The following GAPDH variants were observed in gnomAD, a reference collection of about 807,000 sequenced individuals.
GAPDH encodes the protein glyceraldehyde-3-phosphate dehydrogenase, also known as OCAS, p38 component.
Under a neutral mutation model 31.2 loss-of-function variants are expected in GAPDH, and 13 were observed. The ratio of observed to expected loss-of-function variants is 0.42; its 90% CI spans 0.27 to 0.66. The LOEUF is 0.66. Among genes scored for constraint, GAPDH ranks in the 30% least tolerant of loss-of-function variants. The pLI, the probability that GAPDH is intolerant of heterozygous loss-of-function variation, is 0.26. For synonymous variants in GAPDH, 211 were observed against 166.9 expected (o/e 1.26, Z -2.04); for missense variants, 300 against 443.7 (o/e 0.68, Z 2.91).
intron 1 of GAPDH, 92 bp from the exon 2 acceptor site, chr12:6,534,718 G>T: frequency 4.4e-6 from 5 of 1,124,280 alleles, no homozygotes; most frequent in Non-Finnish European, 6.6e-6. Context: ...ATGCGGCGCG[G>T]GCTGGGCATG....
chr12:6,535,874 T>C (rs955772166), intron 2 of GAPDH, among the ~76,000 whole-genome samples: 1 of 152,040 alleles, frequency 6.6e-6, no homozygotes, highest in African/African-American at 2.4e-5. Context: ...CCATCCCTTC[T>C]CCCCACACAC....
Position 6,538,305 on chromosome 12 carries a change from A to AG in GAPDH, c.*136dup, listed in dbSNP as rs1946537206. The AG allele has an allele frequency of 2.7e-6, 2 of 733,890 alleles. No homozygotes were observed. Among genetic ancestry groups the AG allele is most frequent in the Admixed American group, 2.2e-5 (1 of 44,500 alleles). The allele number at this position is 733,890 out of a possible 1,614,324, so 45.5% of individuals were successfully genotyped here. A position where few individuals can be genotyped will look rare whatever the true frequency, so the allele number is the denominator to read the frequency against. ...CACAGTTGCCATGTAGACCCCTTGA[A>AG]GAGGGGAGGGGCCTAGGGAGCCGCA... On this transcript the variant is annotated 3_prime_UTR_variant, in exon 9 of 9. Coordinates refer to ENST00000229239, the MANE Select transcript of GAPDH (RefSeq NM_002046.7).
chr12:6,537,942 T>A lies in GAPDH; in HGVS notation c.884T>A (p.Phe295Tyr). ...DFNSDTHSSTFDAGAGIALND... is the reference protein window; with the variant it reads ...DFNSDTHSSTYDAGAGIALND... ...AACAGCGACACCCACTCCTCCACCTTTGACGCTGGGGCTGGCATTGCCCTC... is the reference window on the plus strand; with the variant it reads ...AACAGCGACACCCACTCCTCCACCTATGACGCTGGGGCTGGCATTGCCCTC... The change falls in exon 8 of 9, where the codon TTT becomes TAT. Residue 295 changes from phenylalanine to tyrosine, a missense_variant. Phe to Tyr is a conservative substitution (Grantham distance 22, BLOSUM62 3). Coordinates refer to ENST00000229239, the MANE Select transcript of GAPDH (RefSeq NM_002046.7). The surrounding 1 kb of genome is among the most constrained non-coding windows in gnomAD (Gnocchi z 4.9). 6.2e-7 allele frequency: 1 copy of A among 1,614,120 alleles called. No homozygotes were observed.
intron 2 of GAPDH, chr12:6,535,241 T>C: frequency 4.7e-6 from 5 of 1,071,426 alleles, no homozygotes; most frequent in Non-Finnish European, 5.7e-6. Flanking sequence ...CCCGGGATGC[T>C]AGTGCGCAGC....
chr12:6,535,141 C>T (rs1946434469), intron 2 of GAPDH: 3 of 987,048 alleles, frequency 3.0e-6, no homozygotes, highest in African/African-American at 3.4e-5. Flanking sequence ...ACCCGGACCC[C>T]TAGGTGGGGG....
In GAPDH at chr12:6,536,966, G is replaced by A. The variant is rs371192512; in HGVS notation, c.283G>A (p.Val95Ile). 3.8e-5 allele frequency: 61 copies of A among 1,613,742 alleles called. No individual in the cohort carries two copies. The highest frequency in any genetic ancestry group is 4.7e-5 in the Non-Finnish European group (55 of 1,179,952). Residue 95 changes from valine to isoleucine, a missense_variant, in exon 5 of 9, where the codon GTC (valine) becomes ATC (isoleucine). Val to Ile is a conservative substitution (Grantham distance 29). Coordinates refer to ENST00000229239, the MANE Select transcript of GAPDH (RefSeq NM_002046.7). The part of the protein sequence containing the change: ...IKWGDAGAEY[V>I]VESTGVFTTM... ...GTGGGGCGATGCTGGCGCTGAGTAC[G>A]TCGTGGAGTCCACTGGCGTCTTCAC...
In GAPDH at chr12:6,535,177, C is replaced by T; in HGVS notation, c.29+316C>T. ...ACGCTTTCTTTCCTTTCGCGCTCTG[C>T]GGGGTCACGTGTCGCAGAGGAGCCC... On this transcript the variant is annotated intron_variant, in intron 2 of 8. Coordinates refer to ENST00000229239, the MANE Select transcript of GAPDH (RefSeq NM_002046.7). 3.7e-6 allele frequency: 4 copies of T among 1,090,082 alleles called. 1 individual carries two copies. In the South Asian group the frequency reaches 8.5e-5, roughly 23 times the overall value. The allele number at this position is 1,090,082 out of a possible 1,614,324, so 67.5% of individuals were successfully genotyped here. A position where few individuals can be genotyped will look rare whatever the true frequency, so the allele number is the denominator to read the frequency against.
chr12:6,535,018 C>G, intron 2 of GAPDH, 157 bp downstream of exon 2: 3 of 921,934 alleles, frequency 3.3e-6, no homozygotes, highest in East Asian at 2.7e-5. Flanking sequence ...GGCGGAGCCC[C>G]GCACCCAGGC....
rs1161456185 is a variant in GAPDH, at chr12:6,538,253, C to G, written c.*83C>G. ...CTGGGGAGTCCCTGCCACACTCAGT[C>G]CCCCACCACACTGAATCTCCCCTCC... On this transcript the variant is annotated 3_prime_UTR_variant, in exon 9 of 9. Coordinates refer to ENST00000229239, the MANE Select transcript of GAPDH (RefSeq NM_002046.7). 1.8e-5 allele frequency: 20 copies of G among 1,105,710 alleles called. No homozygotes were observed. In the African/African-American group the frequency reaches 3.1e-4, roughly 17 times the overall value. 68.5% of individuals were successfully genotyped at this position (1,105,710 alleles called of 1,614,324 possible). A position where few individuals can be genotyped will look rare whatever the true frequency, so the allele number is the denominator to read the frequency against.
In GAPDH at chr12:6,537,393, A is replaced by G. The variant is rs1279322043; in HGVS notation, c.525+3A>G. 1 of 1,600,996 alleles carries G rather than the reference A, an allele frequency of 6.2e-7. No individual in the cohort carries two copies. The highest frequency in any genetic ancestry group is 8.5e-7 in the Non-Finnish European group (1 of 1,178,530). On this transcript the variant is annotated splice_donor_region_variant and intron_variant, in intron 7 of 8. Transcript: ENST00000229239. The surrounding 1 kb of genome is among the most constrained non-coding windows in gnomAD (Gnocchi z 4.9). ...TTGGTATCGTGGAAGGACTCATGGT[A>G]TGAGAGCTGGGGAATGGGACTGAGG...
Position 6,536,667 on chromosome 12 carries a change from C to G in GAPDH, c.130-17C>G, listed in dbSNP as rs778882839. On this transcript the variant is annotated splice_polypyrimidine_tract_variant and intron_variant, in intron 3 of 8. Transcript: ENST00000229239. ...GGCTGATGGGCAGCCCCTTCATACCCTCACGTATTCCCCCAGGTTTACATG... is the reference window on the plus strand; with the variant it reads ...GGCTGATGGGCAGCCCCTTCATACCGTCACGTATTCCCCCAGGTTTACATG... The G allele has an allele frequency of 5.0e-6, 8 of 1,608,082 alleles. No homozygotes were observed. In the Admixed American group the frequency reaches 5.0e-5, roughly 10 times the overall value.
Position 6,534,551 on chromosome 12 carries a change from T to C in GAPDH, c.-42T>C. The C allele has an allele frequency of 1.9e-6, 1 of 514,278 alleles. No individual in the cohort carries two copies. The highest frequency in any genetic ancestry group is 3.5e-6 in the Non-Finnish European group (1 of 287,658). The allele number at this position is 514,278 out of a possible 1,614,324, so 31.9% of individuals were successfully genotyped here. A position where few individuals can be genotyped will look rare whatever the true frequency, so the allele number is the denominator to read the frequency against. ...TCCTCCTGTTCGACAGTCAGCCGCA[T>C]CTTCTTTTGCGTCGCCAGGTGAAGA... On this transcript the variant is annotated 5_prime_UTR_variant, in exon 1 of 9. Coordinates refer to ENST00000229239, the MANE Select transcript of GAPDH (RefSeq NM_002046.7).
At position 6,537,864 on chromosome 12, in the gene GAPDH, C is replaced by T. The variant is rs143455013; in HGVS notation, c.806C>T (p.Pro269Leu). 29 of 1,613,022 alleles carry T rather than the reference C, an allele frequency of 1.8e-5. No individual in the cohort carries two copies. Among genetic ancestry groups the T allele is most frequent in the Non-Finnish European group, 2.4e-5 (28 of 1,180,012 alleles). ...GTGGTGAAGCAGGCGTCGGAGGGCC[C>T]CCTCAAGGGCATCCTGGGCTACACT... ...KKVVKQASEG[P>L]LKGILGYTEH... The change falls in exon 8 of 9, where the codon CCC becomes CTC. Residue 269 changes from proline (P) to leucine (L), a missense_variant. Transcript: ENST00000229239. This position sits in a 1 kb window ranked among gnomAD's most constrained non-coding sequence, Gnocchi z 4.9.
At chr12:6,534,668 C>G (rs1476480011) in intron 1 of GAPDH, 99 bp downstream of exon 1, 8 of 767,322 alleles carry the variant, frequency 1.0e-5, no homozygotes, top group African/African-American at 8.7e-5. Flanking sequence ...CGGGGTGGGC[C>G]CGGGCGGCCT....
At chr12:6,535,579 G>A in intron 2 of GAPDH, 1 of 443,928 alleles carries the variant, frequency 2.3e-6, no homozygotes, top group Non-Finnish European at 3.0e-6. Flanking sequence ...TGGGTAGTTG[G>A]AAAAGGACAT....
In GAPDH at chr12:6,537,208, G is replaced by T. The variant is rs372910824; in HGVS notation, c.435G>T (p.Lys145Asn). The change falls in exon 6 of 9, where the codon AAG becomes AAT. Residue 145 changes from lysine to asparagine, a missense_variant. Lys to Asn is a moderately conservative substitution (Grantham distance 94). Transcript: ENST00000229239. This position sits in a 1 kb window ranked among gnomAD's most constrained non-coding sequence, Gnocchi z 4.9. ...VNHEKYDNSL[K>N]IISNASCTTN... ...ATGAGAAGTATGACAACAGCCTCAA[G>T]ATCATCAGGTGAGGAAGGCAGGGCC... 6.2e-6 allele frequency: 10 copies of T among 1,611,966 alleles called. No individual in the cohort carries two copies. Among genetic ancestry groups the T allele is most frequent in the Non-Finnish European group, 8.5e-6 (10 of 1,179,664 alleles).
intron 2 of GAPDH, 101 bp downstream of exon 2, chr12:6,534,962 G>A: frequency 3.1e-6 from 4 of 1,308,902 alleles, no homozygotes; most frequent in Non-Finnish European, 4.3e-6. Flanking sequence ...ATGGGGGCAG[G>A]GTAGCTGTTC....
intron 2 of GAPDH, chr12:6,535,269 G>C (rs1565551838): frequency 2.0e-6 from 2 of 1,024,756 alleles, no homozygotes; most frequent in East Asian, 1.7e-4. Context: ...TCCCTGTCCG[G>C]ATGCTGCGCC....
At chr12:6,534,943 T>C (rs535558272) in intron 2 of GAPDH, 82 bp downstream of exon 2, 1 of 1,436,774 alleles carries the variant, frequency 7.0e-7, no homozygotes, top group African/African-American at 1.4e-5. Context: ...TCCGGGTCTT[T>C]GCAGTCGTAT....
Sources: allele counts gnomAD v4.1 joint callset (sites outside exome capture counted in the v4.1 genomes callset), GRCh38; gene constraint gnomAD v4.1.1; non-coding constraint Gnocchi (gnomAD v3.1); transcripts MANE v1.5; gene names NCBI Gene and HGNC (gene_info 2026-07-23, HGNC 2026-07-21).